ZZZ3: variants seen among roughly 807,000 people sequenced by gnomAD.
The protein encoded by ZZZ3 is ZZ-type zinc finger-containing protein 3.
ZZZ3 carries 22 observed loss-of-function variants against 95.2 expected under a neutral mutation model. That is an observed-to-expected ratio of 0.23 (90% CI 0.17 to 0.33). The LOEUF (loss-of-function observed/expected upper bound fraction) is 0.33. Ranked by LOEUF, ZZZ3 falls within the 10% of genes least tolerant of loss-of-function variation. ZZZ3 has a pLI of 1.00. For synonymous variants in ZZZ3, 335 were observed against 358.9 expected, an observed-to-expected ratio of 0.93 and a Z score of 0.75; for missense variants, 885 against 1,066.5, an observed-to-expected ratio of 0.83 and a Z score of 2.37.
At chr1:77,662,790 CA>C (rs1167613807) in intron 1 of ZZZ3, among the ~76,000 whole-genome samples, 1 of 151,952 alleles carries the variant, frequency 6.6e-6, no homozygotes, top group Non-Finnish European at 1.5e-5. Flanking sequence ...GACCCTGTCT[CA>C]AAAAACAAAT....
chr1:77,633,709 C>T (rs1169380375), intron 4 of ZZZ3, among the ~76,000 whole-genome samples: 2 of 152,166 alleles, frequency 1.3e-5, no homozygotes, highest in African/African-American at 2.4e-5. Context: ...CCCTACTTCA[C>T]GAATGAGATT....
Position 77,633,987 on chromosome 1 carries a change from T to C in ZZZ3, c.-51-582A>G, listed in dbSNP as rs868189458. 2.6e-5 allele frequency among the ~76,000 whole-genome samples: 4 copies of C among 152,122 alleles called. No individual in the cohort carries two copies. The South Asian group carries it at 6.2e-4, about 24-fold the overall frequency. On this transcript the variant is annotated intron_variant, in intron 4 of 14. Transcript: ENST00000370801. ...GAGTTCAAGACCAGCCTGACCAACA[T>C]GGTGAAACGCTGTCTCTACTAAAAA...
Position 77,673,116 on chromosome 1 carries a change from CTGAAA to C in ZZZ3, c.-403+9464_-403+9468del, listed in dbSNP as rs1433293704. ...ATATTCTGGCCCTAACACTTACTGA[CTGAAA>C]TAACTAAAATTCACTTAAAAAGGAA... is the stretch of plus-strand genomic sequence containing the variant. On this transcript the variant is annotated intron_variant, in intron 1 of 14. Coordinates refer to ENST00000370801, the MANE Select transcript of ZZZ3 (RefSeq NM_015534.6). Among the ~76,000 whole-genome samples the C allele has an allele frequency of 2.4e-4, 37 of 152,266 alleles. No homozygotes were observed. The East Asian group carries it at 5.0e-3, about 21-fold the overall frequency.
intron 1 of ZZZ3, among the ~76,000 whole-genome samples, chr1:77,643,190 C>A (rs1337034975): frequency 6.6e-6 from 1 of 151,774 alleles, no homozygotes; most frequent in African/African-American, 2.4e-5. Context: ...AAAGAAAAAA[C>A]CGATCTAAGT....
At chr1:77,587,875 A>C (rs1663261332) in intron 5 of ZZZ3, among the ~76,000 whole-genome samples, 1 of 152,200 alleles carries the variant, frequency 6.6e-6, no homozygotes. Context: ...ATGAGGGTGA[A>C]TACTTTTAGG....
intron 5 of ZZZ3, among the ~76,000 whole-genome samples, chr1:77,629,833 C>T (rs114990884): frequency 6.6e-5 from 10 of 152,246 alleles, no homozygotes; most frequent in African/African-American, 2.4e-4. Context: ...TATAAAAGCA[C>T]ACTATATAAA....
chr1:77,634,608 C>T (rs1288864841), intron 4 of ZZZ3, among the ~76,000 whole-genome samples: 1 of 152,114 alleles, frequency 6.6e-6, no homozygotes, highest in Non-Finnish European at 1.5e-5. Context: ...GTAATCCCAC[C>T]CTTTCCTTCT....
chr1:77,672,191 G>A (rs189794261), intron 1 of ZZZ3, among the ~76,000 whole-genome samples: 1 of 152,178 alleles, frequency 6.6e-6, no homozygotes, highest in Non-Finnish European at 1.5e-5. Context: ...TGTTATATGA[G>A]AGCTCCGAGT....
chr1:77,567,514 T>TC (rs951118234), intron 13 of ZZZ3, among the ~76,000 whole-genome samples: 2 of 152,036 alleles, frequency 1.3e-5, no homozygotes, highest in African/African-American at 2.4e-5. Context: ...ATTCAATGGT[T>TC]CCCCCCACCA....
chr1:77,609,184 G>A (rs756712046), intron 5 of ZZZ3, among the ~76,000 whole-genome samples: 30 of 152,010 alleles, frequency 2.0e-4, no homozygotes, highest in South Asian at 4.2e-4. Context: ...AAAATAAAGC[G>A]ATGAAAAAAG....
chr1:77,672,630 T>G (rs1159329198), intron 1 of ZZZ3, among the ~76,000 whole-genome samples: 1 of 152,184 alleles, frequency 6.6e-6, no homozygotes, highest in Non-Finnish European at 1.5e-5. Flanking sequence ...TTCAGGCGAT[T>G]ATGATGAATG....
intron 1 of ZZZ3, among the ~76,000 whole-genome samples, chr1:77,661,379 C>T (rs1248289203): frequency 6.6e-6 from 1 of 152,150 alleles, no homozygotes; most frequent in African/African-American, 2.4e-5. Flanking sequence ...CGCCATTACA[C>T]TCCAGCCTGG....
rs1570376471 is a variant in ZZZ3 at position 77,565,592 on chromosome 1, C to G, written c.*48G>C. 1 of 1,567,414 alleles carries G rather than the reference C, an allele frequency of 6.4e-7. No homozygotes were observed. The highest frequency in any genetic ancestry group is 2.2e-5 in the East Asian group (1 of 44,552). On this transcript the variant is annotated 3_prime_UTR_variant, in exon 15 of 15. Coordinates refer to ENST00000370801, the MANE Select transcript of ZZZ3 (RefSeq NM_015534.6). ...ACTGTGCACATAATTAACAATGATACCATTGCTATGTGTTGAAGAGGACTA... is the reference window on the plus strand; with the variant it reads ...ACTGTGCACATAATTAACAATGATAGCATTGCTATGTGTTGAAGAGGACTA...
rs368204896 is a variant in ZZZ3 at position 77,601,229 on chromosome 1, G to A, written c.1506-16574C>T. Among the ~76,000 whole-genome samples the A allele has an allele frequency of 7.9e-5, 12 of 152,202 alleles. No homozygotes were observed. The East Asian group carries it at 2.3e-3, about 29-fold the overall frequency. ...AACTGGAAAAATGTTTCAAGAAGGA[G>A]GGTATGACCTACCAAACCGACTACT... On this transcript the variant is annotated intron_variant, in intron 5 of 14. Transcript: ENST00000370801.
In ZZZ3 at chr1:77,576,089, G is replaced by A; in HGVS notation, c.2310C>T (p.Asn770=). The change falls in exon 12 of 15, where the codon AAC becomes AAT. Residue 770 remains asparagine, a synonymous_variant. Coordinates refer to ENST00000370801, the MANE Select transcript of ZZZ3 (RefSeq NM_015534.6). ...TTACTGATGCATCTTCAACAGCAGT[G>A]TTCATGTGGCTATGAAAACAAGATC... ...DDRSCFHSHM[N]TAVEDASDDE... is the part of the protein sequence containing the mutation. 1.2e-6 allele frequency: 2 copies of A among 1,610,992 alleles called. No individual in the cohort carries two copies. Among genetic ancestry groups the A allele is most frequent in the Non-Finnish European group, 1.7e-6 (2 of 1,179,164 alleles).
At chr1:77,604,627 T>C (rs1665053372) in intron 5 of ZZZ3, among the ~76,000 whole-genome samples, 1 of 152,228 alleles carries the variant, frequency 6.6e-6, no homozygotes, top group Admixed American at 6.5e-5. Flanking sequence ...GATAACCTTG[T>C]TGAATGGCTG....
At chr1:77,639,120 C>T (rs1163296632) in intron 4 of ZZZ3, among the ~76,000 whole-genome samples, 3 of 151,972 alleles carry the variant, frequency 2.0e-5, no homozygotes, top group Non-Finnish European at 4.4e-5. Flanking sequence ...GTCAGACAGA[C>T]AGACAGACAG....
intron 1 of ZZZ3, among the ~76,000 whole-genome samples, chr1:77,648,504 T>C (rs892149217): frequency 4.6e-5 from 7 of 152,026 alleles, no homozygotes; most frequent in African/African-American, 7.2e-5. Context: ...AAGCAGTAGA[T>C]GGATATATTA....
At chr1:77,573,560 T>A (rs1446824601) in intron 12 of ZZZ3, among the ~76,000 whole-genome samples, 1 of 152,182 alleles carries the variant, frequency 6.6e-6, no homozygotes, top group South Asian at 2.1e-4. Context: ...GCCTGATAAA[T>A]AGTAAGTTTA....
Sources: gnomAD v4.1 joint callset for allele counts (sites outside exome capture counted in the v4.1 genomes callset) on GRCh38, gnomAD v4.1.1 for gene constraint, MANE v1.5 for transcripts, NCBI Gene and HGNC (gene_info 2026-07-23, HGNC 2026-07-21) for gene names.